Variants in NAALADL2 observed in about 807,000 individuals in gnomAD.
NAALADL2 encodes inactive N-acetylated-alpha-linked acidic dipeptidase-like protein 2.
In NAALADL2, 76 loss-of-function variants were observed where a neutral mutation model predicts 87.2. The ratio of observed to expected loss-of-function variants is 0.87; its 90% confidence interval spans 0.72 to 1.05. NAALADL2 has a LOEUF of 1.05. Ranked by LOEUF, NAALADL2 falls within the 50% of genes least tolerant of loss-of-function variation. The probability of loss-of-function intolerance (pLI) is 0.00; values close to 1 mark genes in which losing one functional copy is unlikely to be tolerated. For synonymous variants in NAALADL2, 354 were observed against 331.0 expected (o/e 1.07, Z -0.75); for missense variants, 1,089 against 945.8 (o/e 1.15, Z -1.99).
chr3:175,279,773 C>T (rs564223399), intron 4 of NAALADL2, among the ~76,000 whole-genome samples: 1 of 144,602 alleles, frequency 6.9e-6, no homozygotes, highest in South Asian at 2.2e-4. Flanking sequence ...ATAAGATCCT[C>T]TGCATAGTGT....
At chr3:175,256,036 C>G (rs1035280593) in intron 3 of NAALADL2, among the ~76,000 whole-genome samples, 3 of 152,308 alleles carry the variant, frequency 2.0e-5, no homozygotes, top group Non-Finnish European at 4.4e-5. Flanking sequence ...CAAGCCTGAG[C>G]ATTATATAAT....
chr3:174,727,783 G>T (rs1000441623), intron 2 of NAALADL2, among the ~76,000 whole-genome samples: 2 of 152,076 alleles, frequency 1.3e-5, no homozygotes, highest in African/African-American at 4.8e-5. Flanking sequence ...TATATTTGAT[G>T]AGTTTTGAAA....
intron 2 of NAALADL2, among the ~76,000 whole-genome samples, chr3:175,210,846 A>C (rs1407008834): frequency 6.6e-6 from 1 of 151,830 alleles, no homozygotes; most frequent in Non-Finnish European, 1.5e-5. Context: ...AAATATTAAA[A>C]CATTTACTTT....
intron 11 of NAALADL2, among the ~76,000 whole-genome samples, chr3:175,665,030 T>C (rs780704672): frequency 2.6e-5 from 4 of 152,138 alleles, no homozygotes; most frequent in Non-Finnish European, 5.9e-5. Flanking sequence ...ACACATCTCA[T>C]CGATATATAT....
chr3:175,702,346 C>T (rs1467461749), intron 11 of NAALADL2, among the ~76,000 whole-genome samples: 2 of 152,038 alleles, frequency 1.3e-5, no homozygotes, highest in East Asian at 3.9e-4. Context: ...ATGTTATTAA[C>T]AGGTTCTTCT....
chr3:175,635,523 A>G (rs1030167821), intron 11 of NAALADL2, among the ~76,000 whole-genome samples: 1 of 152,156 alleles, frequency 6.6e-6, no homozygotes, highest in African/African-American at 2.4e-5. Context: ...CATCACTTAC[A>G]ATTAGTGTGA....
At chr3:174,938,719 G>T (rs1173542949) in intron 1 of NAALADL2, among the ~76,000 whole-genome samples, 1 of 152,098 alleles carries the variant, frequency 6.6e-6, no homozygotes, top group Non-Finnish European at 1.5e-5. Flanking sequence ...CATTCTGACT[G>T]ATTTGAGATG....
intron 2 of NAALADL2, among the ~76,000 whole-genome samples, chr3:175,183,955 C>T (rs1328455005): frequency 6.6e-6 from 1 of 150,760 alleles, no homozygotes; most frequent in African/African-American, 2.4e-5. Flanking sequence ...ACTGTGCGGC[C>T]ACCCTCAAAG....
Position 175,644,902 on chromosome 3 carries a change from T to A in NAALADL2, c.1896+17516T>A, listed in dbSNP as rs979832361. 5.9e-5 allele frequency among the ~76,000 whole-genome samples: 9 copies of A among 152,218 alleles called. 1 individual carries two copies. The East Asian group carries it at 1.7e-3, about 29-fold the overall frequency. On this transcript the variant is annotated intron_variant, in intron 11 of 13. Coordinates refer to ENST00000454872, the MANE Select transcript of NAALADL2 (RefSeq NM_207015.3). ...GATTGCAATAGCAAACAATTGAAAA[T>A]CCTAGTTTTACAGTTGTTTAGTGCT... is the stretch of plus-strand genomic sequence containing the variant.
chr3:175,790,823 A>G (rs1355414783), intron 13 of NAALADL2, among the ~76,000 whole-genome samples: 1 of 152,234 alleles, frequency 6.6e-6, no homozygotes, highest in Admixed American at 6.5e-5. Context: ...TCTTTCTTTC[A>G]CACTTAAACT....
At chr3:174,853,579 T>C (rs566612637) in intron 3 of NAALADL2, among the ~76,000 whole-genome samples, 1 of 151,632 alleles carries the variant, frequency 6.6e-6, no homozygotes, top group African/African-American at 2.4e-5. Context: ...AAGGAAACAA[T>C]CTACAAACTG....
chr3:174,594,150 T>A (rs2108593402), intron 2 of NAALADL2, among the ~76,000 whole-genome samples: 1 of 152,292 alleles, frequency 6.6e-6, no homozygotes, highest in Admixed American at 6.5e-5. Flanking sequence ...ACAAGTTTAC[T>A]TTCATGAATA....
chr3:174,514,745 TTTA>T (rs1376065096), intron 1 of NAALADL2, among the ~76,000 whole-genome samples: 1 of 152,168 alleles, frequency 6.6e-6, no homozygotes, highest in Non-Finnish European at 1.5e-5. Flanking sequence ...TGTATGATGT[TTTA>T]TTATCAACCT....
intron 2 of NAALADL2, among the ~76,000 whole-genome samples, chr3:174,705,800 A>AC (rs1452481438): frequency 6.6e-6 from 1 of 151,638 alleles, no homozygotes; most frequent in East Asian, 1.9e-4. Context: ...AAAAAAAAAA[A>AC]ATGTCAGTTC....
At chr3:175,666,902 A>G (rs901174499) in intron 11 of NAALADL2, among the ~76,000 whole-genome samples, 6 of 152,004 alleles carry the variant, frequency 3.9e-5, no homozygotes, top group African/African-American at 1.4e-4. Context: ...AATTCAAATA[A>G]TAGAACTCAA....
intron 2 of NAALADL2, chr3:174,631,869 C>T (rs1246140378): frequency 6.6e-6 from 1 of 152,156 alleles, no homozygotes; most frequent in Admixed American, 6.5e-5. Flanking sequence ...ACATTGATTT[C>T]CAGGGTTGAT....
At chr3:174,588,234 G>A (rs964959631) in intron 2 of NAALADL2, among the ~76,000 whole-genome samples, 1 of 152,124 alleles carries the variant, frequency 6.6e-6, no homozygotes, top group Non-Finnish European at 1.5e-5. Context: ...GGTCATTAAG[G>A]TGTTCTCTAT....
intron 13 of NAALADL2, among the ~76,000 whole-genome samples, chr3:175,793,791 ACTT>A (rs913628386): frequency 3.3e-5 from 5 of 152,168 alleles, no homozygotes; most frequent in African/African-American, 1.2e-4. Context: ...TAGACTGTAA[ACTT>A]CTAGTTTCTA....
Position 174,783,195 on chromosome 3 carries a change from A to G in NAALADL2, c.-9+45449A>G, listed in dbSNP as rs150937167. 8.3e-3 allele frequency among the ~76,000 whole-genome samples: 1,270 copies of G among 152,294 alleles called. 12 individuals are homozygous for G. Among genetic ancestry groups the G allele is most frequent in the Middle Eastern group, 0.017 (5 of 294 alleles). On this transcript the variant is annotated intron_variant, in intron 3 of 3. Transcript: ENST00000434257. ...AACATTTACAGCTTTTGAAACTCCC[A>G]TGTAAGTATAGAATGGAAAATATAG...
Sources: gnomAD v4.1 joint callset for allele counts (sites outside exome capture counted in the v4.1 genomes callset) on GRCh38, gnomAD v4.1.1 for gene constraint, MANE v1.5 for transcripts, NCBI Gene and HGNC (gene_info 2026-07-23, HGNC 2026-07-21) for gene names.